The following TTLL12 variants were observed in gnomAD, a reference collection of about 807,000 sequenced individuals.
TTLL12 encodes tubulin tyrosine ligase like 12, also known as tubulin--tyrosine ligase-like protein 12.
Under a neutral mutation model 79.6 loss-of-function variants are expected in TTLL12, and 77 were observed. That is an observed-to-expected ratio of 0.97 (90% CI 0.81 to 1.17). The LOEUF (loss-of-function observed/expected upper bound fraction) is 1.17. Ranked by LOEUF, TTLL12 falls within the 50% of genes most tolerant of loss-of-function variation. The pLI is 0.00. For synonymous variants in TTLL12, 437 were observed against 376.1 expected (o/e 1.16, Z -1.87); for missense variants, 969 against 895.9 (o/e 1.08, Z -1.04).
rs142109579 is a variant in TTLL12, at chr22:43,180,000, T to C, written c.547A>G (p.Thr183Ala). ...CACACCGGCATCTTCTCCTCAGCTGTCTGCAGACAGAGCACATATGGCACC... is the reference window on the plus strand; with the variant it reads ...CACACCGGCATCTTCTCCTCAGCTGCCTGCAGACAGAGCACATATGGCACC... Reference protein sequence around the residue: ...FNQTYQLAHGTAEEKMPVWYI... With the variant: ...FNQTYQLAHGAAEEKMPVWYI... Residue 183 changes from threonine (T) to alanine (A), a missense_variant and splice_region_variant, in exon 4 of 14, where the codon ACA (threonine) becomes GCA (alanine). Thr to Ala is a moderately conservative substitution (Grantham distance 58, BLOSUM62 0). Coordinates refer to ENST00000216129, the MANE Select transcript of TTLL12 (RefSeq NM_015140.4). 1.6e-4 allele frequency: 260 copies of C among 1,590,688 alleles called. 1 individual carries two copies. In the African/African-American group the frequency reaches 3.1e-3, roughly 19 times the overall value.
rs762285239 is a variant in TTLL12 at position 43,179,842 on chromosome 22, G to C, written c.705C>G (p.Gly235=). Residue 235 remains glycine (G), a splice_region_variant and synonymous_variant, in exon 4 of 14, where the codon GGC becomes GGG. Transcript: ENST00000216129. ...AGGGCGGGCAGGTGCTGGACTTACC[G>C]CCAGTGTCCAGGTCCCTCAGGGGCC... is the stretch of plus-strand genomic sequence containing the variant. ...LLWPLRDLDT[G]EEVTRDFAYG... 1.3e-6 allele frequency: 2 copies of C among 1,583,164 alleles called. No individual in the cohort carries two copies. Among genetic ancestry groups the C allele is most frequent in the Non-Finnish European group, 1.7e-6 (2 of 1,163,376 alleles).
chr22:43,174,454 A>G (rs1931851143), intron 7 of TTLL12, 45 bp downstream of exon 7: 2 of 1,575,686 alleles, frequency 1.3e-6, no homozygotes, highest in African/African-American at 1.3e-5. Flanking sequence ...GGCAGTGCCT[A>G]GAAGCCCTGA....
chr22:43,169,499 C>G lies in TTLL12; in HGVS notation c.1644+1G>C. The G allele has an allele frequency of 6.3e-7, 1 of 1,593,658 alleles. No individual in the cohort carries two copies. Among genetic ancestry groups the G allele is most frequent in the East Asian group, 2.2e-5 (1 of 44,618 alleles). Reference sequence around the variant, plus strand: ...GCGATGGTGTGCAGGACAGGAATTACCTGGACGTCCGTCCAGGGAAATTCT... The same window carrying G: ...GCGATGGTGTGCAGGACAGGAATTAGCTGGACGTCCGTCCAGGGAAATTCT... On this transcript the variant is annotated splice_donor_variant, in intron 12 of 13. Transcript: ENST00000216129. LOFTEE classifies it high-confidence loss of function.
At chr22:43,173,647 C>T (rs900495169) in intron 9 of TTLL12, 68 bp downstream of exon 9, 25 of 1,487,688 alleles carry the variant, frequency 1.7e-5, no homozygotes, top group East Asian at 2.3e-5. Context: ...TGCTCGGTCC[C>T]CTTAGCCCCA....
intron 3 of TTLL12, 92 bp from the exon 4 acceptor site, chr22:43,180,092 C>A: frequency 1.4e-6 from 2 of 1,439,816 alleles, no homozygotes; most frequent in Non-Finnish European, 1.9e-6. Context: ...CAGCCCACAG[C>A]CATTTCTCTG....
At chr22:43,185,452 G>A (rs1474803399) in intron 1 of TTLL12, among the ~76,000 whole-genome samples, 2 of 151,672 alleles carry the variant, frequency 1.3e-5, no homozygotes, top group Non-Finnish European at 2.9e-5. Context: ...AGCAGCAGGA[G>A]GCTTCACTCA....
At chr22:43,168,706 C>T in intron 13 of TTLL12, 68 bp downstream of exon 13, 1 of 1,537,962 alleles carries the variant, frequency 6.5e-7, no homozygotes, top group Non-Finnish European at 8.7e-7. Context: ...CTGCCTTCTC[C>T]AGGCTGTGGC....
chr22:43,173,629 G>A, intron 9 of TTLL12, 86 bp downstream of exon 9: 1 of 1,311,708 alleles, frequency 7.6e-7, no homozygotes, highest in Non-Finnish European at 1.1e-6. Context: ...TGTCCATAAG[G>A]ACCATGATGC....
At chr22:43,169,440 C>A in intron 12 of TTLL12, 60 bp downstream of exon 12, 1 of 1,421,834 alleles carries the variant, frequency 7.0e-7, no homozygotes, top group Non-Finnish European at 9.5e-7. Flanking sequence ...GCAGCTCCTG[C>A]AGGCCCCCAG....
chr22:43,174,665 G>C lies in TTLL12; in HGVS notation c.918-50C>G, dbSNP rs144115251. ...GATCCCGGCTCCCAAGTGTCCAAGCGGGACTCCAGCACTAGCCCTGGCTCA... is the reference window on the plus strand; with the variant it reads ...GATCCCGGCTCCCAAGTGTCCAAGCCGGACTCCAGCACTAGCCCTGGCTCA... On this transcript the variant is annotated intron_variant, in intron 6 of 13. Coordinates refer to ENST00000216129, the MANE Select transcript of TTLL12 (RefSeq NM_015140.4). 7.2e-6 allele frequency: 10 copies of C among 1,383,948 alleles called. No homozygotes were observed. The African/African-American group carries it at 1.3e-4, about 18-fold the overall frequency. 85.7% of individuals were successfully genotyped at this position (1,383,948 alleles called of 1,614,324 possible). A position where few individuals can be genotyped will look rare whatever the true frequency, so the allele number is the denominator to read the frequency against.
Position 43,169,587 on chromosome 22 carries a change from C to T in TTLL12, c.1576-19G>A. The T allele has an allele frequency of 6.2e-7, 1 of 1,612,312 alleles. No individual in the cohort carries two copies. Among genetic ancestry groups the T allele is most frequent in the East Asian group, 2.2e-5 (1 of 44,838 alleles). ...AGTGCACCTGCAACAGACACAGGGC[C>T]CATCACGCTCTGTACAGGCCTCCGC... On this transcript the variant is annotated intron_variant, in intron 11 of 13. Coordinates refer to ENST00000216129, the MANE Select transcript of TTLL12 (RefSeq NM_015140.4).
chr22:43,183,188 G>A, intron 1 of TTLL12, 39 bp from the exon 2 acceptor site: 1 of 1,608,922 alleles, frequency 6.2e-7, no homozygotes, highest in Non-Finnish European at 8.5e-7. Flanking sequence ...GTGTGGGCAG[G>A]AGACCCCACC....
intron 9 of TTLL12, 40 bp from the exon 10 acceptor site, chr22:43,172,594 G>C: frequency 3.7e-6 from 6 of 1,612,560 alleles, no homozygotes; most frequent in Non-Finnish European, 5.1e-6. Context: ...GGCCAGGACA[G>C]AGCCCCCTGG....
intron 5 of TTLL12, among the ~76,000 whole-genome samples, chr22:43,178,382 C>G (rs1340888896): frequency 6.6e-6 from 1 of 150,638 alleles, no homozygotes; most frequent in African/African-American, 2.4e-5. Context: ...AGTGCAGTGG[C>G]GCGATCTCGG....
chr22:43,171,986 T>A (rs1018086049), intron 10 of TTLL12, 86 bp from the exon 11 acceptor site: 17 of 1,179,974 alleles, frequency 1.4e-5, no homozygotes, highest in Non-Finnish European at 2.1e-5. Context: ...CCTTCCCAAC[T>A]AGGGGTTCAG....
At position 43,171,813 on chromosome 22, in the gene TTLL12, C is replaced by A. The variant is rs762320850; in HGVS notation, c.1575+6G>T. ...GAACCTGCTCTGCACCTCCCTCAGG[C>A]CCTACCTGCTTCAGCACCACATCCG... On this transcript the variant is annotated splice_donor_region_variant and intron_variant, in intron 11 of 13. Coordinates refer to ENST00000216129, the MANE Select transcript of TTLL12 (RefSeq NM_015140.4). 6.2e-7 allele frequency: 1 copy of A among 1,613,760 alleles called. No homozygotes were observed. The highest frequency in any genetic ancestry group is 8.5e-7 in the Non-Finnish European group (1 of 1,179,814).
In TTLL12 at chr22:43,187,070, GGCGCCAGCACCC is replaced by G. The variant is rs374157271; in HGVS notation, c.-13_-2del. 2.7e-3 allele frequency: 3,199 copies of G among 1,168,536 alleles called. 107 individuals are homozygous for G. In the East Asian group the frequency reaches 0.074, roughly 27 times the overall value. The allele number at this position is 1,168,536 out of a possible 1,614,324, so 72.4% of individuals were successfully genotyped here. A position where few individuals can be genotyped will look rare whatever the true frequency, so the allele number is the denominator to read the frequency against. ...GCTCGGGACCCCGCTCGGCCTCCAT[GGCGCCAGCACCC>G]GCGCCGACTCCAGCGCCGCCACCGC... On this transcript the variant is annotated 5_prime_UTR_variant, in exon 1 of 14. Transcript: ENST00000216129.
rs1413402836 is a variant in TTLL12 at position 43,187,097 on chromosome 22, G to A, written c.-28C>T. 5.5e-6 allele frequency: 6 copies of A among 1,084,476 alleles called. No homozygotes were observed. The highest frequency in any genetic ancestry group is 4.4e-5 in the South Asian group (1 of 22,758). 67.2% of individuals were successfully genotyped at this position (1,084,476 alleles called of 1,614,324 possible). On this transcript the variant is annotated 5_prime_UTR_variant, in exon 1 of 14. Coordinates refer to ENST00000216129, the MANE Select transcript of TTLL12 (RefSeq NM_015140.4). ...CGCCAGCACCCGCGCCGACTCCAGC[G>A]CCGCCACCGCCGCCGCCGCCCGCCG...
At chr22:43,186,064 C>T in intron 1 of TTLL12, 1 of 973,080 alleles carries the variant, frequency 1.0e-6, no homozygotes, top group Non-Finnish European at 1.2e-6. Flanking sequence ...TCAGGGACTC[C>T]TAGTTCCCGG....
Sources: allele counts gnomAD v4.1 joint callset (sites outside exome capture counted in the v4.1 genomes callset), GRCh38; gene constraint gnomAD v4.1.1; transcripts MANE v1.5; gene names NCBI Gene and HGNC (gene_info 2026-07-23, HGNC 2026-07-21).